The following RASGEF1A variants were observed in gnomAD, a reference collection of about 807,000 sequenced individuals.
The protein encoded by RASGEF1A is ras-GEF domain-containing family member 1A.
Under a neutral mutation model 56.4 loss-of-function variants are expected in RASGEF1A, and 18 were observed. That is an observed-to-expected ratio of 0.32 (90% CI 0.22 to 0.47). The LOEUF is 0.47. Among genes scored for constraint, RASGEF1A ranks in the 20% least tolerant of loss-of-function variants. The pLI is 1.00. For synonymous variants in RASGEF1A, 245 were observed against 242.6 expected, an observed-to-expected ratio of 1.01 and a Z score of -0.09; for missense variants, 422 against 627.1, an observed-to-expected ratio of 0.67 and a Z score of 3.49.
rs1370389651 is a variant in RASGEF1A at position 43,219,576 on chromosome 10, C to T, written c.-6-13454G>A. Reference sequence around the variant, plus strand: ...GCAATCTGTCCTGCCCAGGCCCACCCGGGCACACTGCCCACATCCAGCCAG... The same window carrying T: ...GCAATCTGTCCTGCCCAGGCCCACCTGGGCACACTGCCCACATCCAGCCAG... On this transcript the variant is annotated intron_variant, in intron 1 of 12. Transcript: ENST00000395810. 2.6e-5 allele frequency among the ~76,000 whole-genome samples: 4 copies of T among 152,310 alleles called. No individual in the cohort carries two copies. The East Asian group carries it at 7.7e-4, about 29-fold the overall frequency.
chr10:43,223,497 A>T (rs1401548874), intron 1 of RASGEF1A, among the ~76,000 whole-genome samples: 1 of 152,230 alleles, frequency 6.6e-6, no homozygotes, highest in African/African-American at 2.4e-5. Flanking sequence ...CTCACAGAAA[A>T]GTTCATAGAC....
intron 1 of RASGEF1A, among the ~76,000 whole-genome samples, chr10:43,217,346 C>A (rs77147682): frequency 6.6e-6 from 1 of 152,214 alleles, no homozygotes; most frequent in African/African-American, 2.4e-5. Context: ...ATGTGTCCCT[C>A]GCTCATGCTC....
At chr10:43,203,727 C>A in intron 2 of RASGEF1A, 1 of 1,115,060 alleles carries the variant, frequency 9.0e-7, no homozygotes, top group Non-Finnish European at 1.1e-6. Context: ...CTAACCCCAG[C>A]CTGGGACGTT....
intron 1 of RASGEF1A, chr10:43,209,034 T>TG (rs1442537764): frequency 3.0e-6 from 3 of 985,318 alleles, no homozygotes; most frequent in Non-Finnish European, 3.6e-6. Context: ...TGCACCTGCT[T>TG]CCTCCTTGCC....
intron 1 of RASGEF1A, among the ~76,000 whole-genome samples, chr10:43,238,530 C>CTGAA (rs1564539945): frequency 6.6e-6 from 1 of 152,232 alleles, no homozygotes. Context: ...TGCCCCAGCC[C>CTGAA]CATGTCCACA....
In RASGEF1A at chr10:43,195,424, G is replaced by A. The variant is rs558990720; in HGVS notation, c.*820C>T. 1 of 152,154 alleles carries A rather than the reference G, an allele frequency of 6.6e-6. No homozygotes were observed. Among genetic ancestry groups the A allele is most frequent in the South Asian group, 2.1e-4 (1 of 4,824 alleles). 9.4% of individuals were successfully genotyped at this position (152,154 alleles called of 1,614,324 possible). Reference sequence around the variant, plus strand: ...ACTAGCTCTAAATGTCACCACCCTGGAGTCGGCCATGTATTTTTCTTCATC... The same window carrying A: ...ACTAGCTCTAAATGTCACCACCCTGAAGTCGGCCATGTATTTTTCTTCATC... On this transcript the variant is annotated 3_prime_UTR_variant, in exon 13 of 13. Transcript: ENST00000395810. This position sits in a 1 kb window ranked among gnomAD's most constrained non-coding sequence, Gnocchi z 4.2.
intron 1 of RASGEF1A, among the ~76,000 whole-genome samples, chr10:43,219,686 G>T (rs571696599): frequency 6.6e-6 from 1 of 152,322 alleles, no homozygotes; most frequent in African/African-American, 2.4e-5. Flanking sequence ...GGCCTCCAGA[G>T]GCAGGAAGGG....
At chr10:43,240,529 A>G (rs944320841) in intron 1 of RASGEF1A, among the ~76,000 whole-genome samples, 1 of 152,234 alleles carries the variant, frequency 6.6e-6, no homozygotes, top group African/African-American at 2.4e-5. Context: ...AATACAAATT[A>G]TAAAAAAGAA....
At chr10:43,225,074 CTG>C (rs1588940469) in intron 1 of RASGEF1A, among the ~76,000 whole-genome samples, 3 of 150,666 alleles carry the variant, frequency 2.0e-5, no homozygotes, top group South Asian at 4.3e-4. Flanking sequence ...CTGTGTTTCT[CTG>C]TGTTAGTGTG....
chr10:43,232,622 G>C (rs1420416136), intron 1 of RASGEF1A, among the ~76,000 whole-genome samples: 2 of 151,870 alleles, frequency 1.3e-5, no homozygotes, highest in African/African-American at 4.8e-5. Flanking sequence ...AAGTAGCTGG[G>C]ATTACAGGTG....
chr10:43,253,667 C>T (rs1840652198), intron 1 of RASGEF1A, among the ~76,000 whole-genome samples: 1 of 152,186 alleles, frequency 6.6e-6, no homozygotes, highest in Admixed American at 6.5e-5. Context: ...CCTCAGGGGC[C>T]AACATCCCAC....
chr10:43,255,701 C>G (rs1840680119), intron 1 of RASGEF1A, among the ~76,000 whole-genome samples: 1 of 152,210 alleles, frequency 6.6e-6, no homozygotes. Flanking sequence ...AGAGTTAAAA[C>G]CAAAACCCAG....
At chr10:43,239,113 T>C (rs1294065503) in intron 1 of RASGEF1A, among the ~76,000 whole-genome samples, 1 of 152,202 alleles carries the variant, frequency 6.6e-6, no homozygotes, top group African/African-American at 2.4e-5. Context: ...CTCCATACGT[T>C]CTGTGGCAGC....
chr10:43,229,523 G>A, intron 1 of RASGEF1A: 1 of 872,802 alleles, frequency 1.1e-6, no homozygotes, highest in Non-Finnish European at 1.7e-6. Context: ...GGGTCCTCAG[G>A]GCGGGCACCC....
At chr10:43,250,432 G>A (rs909449484) in intron 1 of RASGEF1A, among the ~76,000 whole-genome samples, 3 of 152,224 alleles carry the variant, frequency 2.0e-5, no homozygotes, top group African/African-American at 7.2e-5. Context: ...TGCCAATTCC[G>A]CCTGTTGCTT....
chr10:43,259,149 C>T (rs945736463), intron 1 of RASGEF1A, among the ~76,000 whole-genome samples: 1 of 152,226 alleles, frequency 6.6e-6, no homozygotes, highest in Non-Finnish European at 1.5e-5. Context: ...CAGAGAAGAA[C>T]CCACAGACAC....
Position 43,196,162 on chromosome 10 carries a change from C to T in RASGEF1A, c.*82G>A. 1 of 1,306,646 alleles carries T rather than the reference C, an allele frequency of 7.7e-7. No individual in the cohort carries two copies. The highest frequency in any genetic ancestry group is 1.1e-6 in the Non-Finnish European group (1 of 921,386). 80.9% of individuals were successfully genotyped at this position (1,306,646 alleles called of 1,614,324 possible). On this transcript the variant is annotated 3_prime_UTR_variant, in exon 13 of 13. Coordinates refer to ENST00000395810, the MANE Select transcript of RASGEF1A (RefSeq NM_145313.4). The surrounding 1 kb of genome is among the most constrained non-coding windows in gnomAD (Gnocchi z 4.6). The stretch of plus-strand genomic sequence containing the variant: ...CAAAATGGACCCCAACCAGTGAGGC[C>T]TCCTCATCTCAACCCACATCAGTCA...
At chr10:43,240,345 A>T (rs1840485837) in intron 1 of RASGEF1A, among the ~76,000 whole-genome samples, 1 of 152,262 alleles carries the variant, frequency 6.6e-6, no homozygotes, top group Non-Finnish European at 1.5e-5. Flanking sequence ...AATAAACAGC[A>T]GCAACAACAA....
At chr10:43,238,475 A>C (rs1050973683) in intron 1 of RASGEF1A, among the ~76,000 whole-genome samples, 3 of 152,132 alleles carry the variant, frequency 2.0e-5, no homozygotes, top group South Asian at 2.1e-4. Context: ...TATTTCATTT[A>C]AGTTTAGTGG....
Sources: gnomAD v4.1 joint callset for allele counts (sites outside exome capture counted in the v4.1 genomes callset) on GRCh38, gnomAD v4.1.1 for gene constraint, Gnocchi (gnomAD v3.1) non-coding constraint, MANE v1.5 for transcripts, NCBI Gene and HGNC (gene_info 2026-07-23, HGNC 2026-07-21) for gene names.